MRPS9: variants seen among roughly 807,000 people sequenced by gnomAD.
The protein encoded by MRPS9 is mitochondrial ribosomal protein S9.
In MRPS9, 45 loss-of-function variants were observed where a neutral mutation model predicts 59.9. The ratio of observed to expected loss-of-function variants is 0.75; its 90% CI spans 0.59 to 0.96. The LOEUF is 0.96. MRPS9 is among the 40% of genes least tolerant of loss of function. The pLI, the probability that MRPS9 is intolerant of heterozygous loss-of-function variation, is 0.00. For missense variants in MRPS9, 473 were observed against 481.1 expected, an observed-to-expected ratio of 0.98 and a Z score of 0.16; for synonymous variants, 171 against 166.8, an observed-to-expected ratio of 1.03 and a Z score of -0.19.
At chr2:105,048,359 G>C (rs923939753) in intron 1 of MRPS9, among the ~76,000 whole-genome samples, 1 of 151,588 alleles carries the variant, frequency 6.6e-6, no homozygotes, top group Non-Finnish European at 1.5e-5. Context: ...TTGTGGGATG[G>C]GGGGAGGGGA....
intron 9 of MRPS9, among the ~76,000 whole-genome samples, chr2:105,096,127 T>G (rs1445164781): frequency 6.6e-6 from 1 of 152,164 alleles, no homozygotes; most frequent in East Asian, 1.9e-4. Flanking sequence ...CTACATCGTA[T>G]TGTTATAAAT....
chr2:105,073,461 A>G (rs924800192), intron 4 of MRPS9, among the ~76,000 whole-genome samples: 1 of 152,130 alleles, frequency 6.6e-6, no homozygotes, highest in Middle Eastern at 3.4e-3. Flanking sequence ...TTACCTACCT[A>G]CCTCCCAATT....
chr2:105,040,107 A>AC (rs1162713574), intron 1 of MRPS9, among the ~76,000 whole-genome samples: 1 of 151,826 alleles, frequency 6.6e-6, no homozygotes, highest in African/African-American at 2.4e-5. Flanking sequence ...CACTTAGCTG[A>AC]CCCCCCTTTA....
intron 1 of MRPS9, among the ~76,000 whole-genome samples, chr2:105,047,604 T>C (rs1413567975): frequency 6.6e-6 from 1 of 151,980 alleles, no homozygotes. Flanking sequence ...AATATTGCTT[T>C]AAGAGTGTTT....
At chr2:105,066,978 A>G (rs1206045553) in intron 2 of MRPS9, among the ~76,000 whole-genome samples, 1 of 152,190 alleles carries the variant, frequency 6.6e-6, no homozygotes, top group Non-Finnish European at 1.5e-5. Context: ...ATATAAACGC[A>G]TACCCCCATC....
At chr2:105,058,615 C>T (rs1020624708) in intron 2 of MRPS9, among the ~76,000 whole-genome samples, 1 of 151,596 alleles carries the variant, frequency 6.6e-6, no homozygotes, top group Non-Finnish European at 1.5e-5. Flanking sequence ...TTTCTTTTCT[C>T]TCAGCACTTT....
At chr2:105,069,959 G>A (rs564023553) in intron 2 of MRPS9, among the ~76,000 whole-genome samples, 1 of 152,106 alleles carries the variant, frequency 6.6e-6, no homozygotes, top group South Asian at 2.1e-4. Context: ...GCTGCAGTGA[G>A]CATGATTGTG....
intron 4 of MRPS9, among the ~76,000 whole-genome samples, chr2:105,072,067 T>C (rs536444760): frequency 9.0e-4 from 137 of 152,282 alleles, no homozygotes; most frequent in African/African-American, 3.0e-3. Flanking sequence ...TTGAATAATA[T>C]ATTTACTATA....
chr2:105,095,805 C>A (rs1303477319), intron 9 of MRPS9, among the ~76,000 whole-genome samples: 2 of 151,484 alleles, frequency 1.3e-5, no homozygotes, highest in Non-Finnish European at 2.9e-5. Flanking sequence ...CCTAAATTTT[C>A]TTTTATATTT....
intron 2 of MRPS9, among the ~76,000 whole-genome samples, chr2:105,069,572 C>G (rs1030032381): frequency 2.0e-5 from 3 of 152,084 alleles, no homozygotes; most frequent in Non-Finnish European, 2.9e-5. Context: ...AAAGACTTTT[C>G]CATTGCTTAG....
chr2:105,094,560 C>G (rs1426353541), intron 9 of MRPS9, among the ~76,000 whole-genome samples: 1 of 152,172 alleles, frequency 6.6e-6, no homozygotes, highest in East Asian at 1.9e-4. Flanking sequence ...CAAAAGAGGA[C>G]CCTCCTAATA....
At chr2:105,079,842 T>G (rs769253097) in intron 4 of MRPS9, 141 bp from the exon 5 acceptor site, 4 of 473,870 alleles carry the variant, frequency 8.4e-6, no homozygotes, top group Non-Finnish European at 1.5e-5. Context: ...AAACTAAATA[T>G]TAAAATTCTA....
At chr2:105,095,447 G>A (rs1680638260) in intron 9 of MRPS9, among the ~76,000 whole-genome samples, 1 of 151,460 alleles carries the variant, frequency 6.6e-6, no homozygotes, top group African/African-American at 2.4e-5. Context: ...CCAGATGGTC[G>A]AGGTAAATGC....
At position 105,090,001 on chromosome 2, in the gene MRPS9, T is replaced by A; in HGVS notation, c.651+6T>A. 1 of 1,550,456 alleles carries A rather than the reference T, an allele frequency of 6.4e-7. No individual in the cohort carries two copies. The highest frequency in any genetic ancestry group is 8.9e-7 in the Non-Finnish European group (1 of 1,129,138). On this transcript the variant is annotated splice_donor_region_variant and intron_variant, in intron 7 of 10. Transcript: ENST00000258455. ...AAAAACTGTCAGATCTAGATGTGAG[T>A]AATTAATCTTTTTAATTTAAGGGGA... is the stretch of plus-strand genomic sequence containing the variant.
rs574477216 is a variant in MRPS9, at chr2:105,067,171, C to T, written c.316-4142C>T. 9.2e-5 allele frequency among the ~76,000 whole-genome samples: 14 copies of T among 152,286 alleles called. No individual in the cohort carries two copies. The South Asian group carries it at 2.3e-3, about 25-fold the overall frequency. On this transcript the variant is annotated intron_variant, in intron 2 of 10. Transcript: ENST00000258455. ...CTGTTATCTCCCACAATATCATTATCACATCTGATACAATTATAATAATTC... is the reference window on the plus strand; with the variant it reads ...CTGTTATCTCCCACAATATCATTATTACATCTGATACAATTATAATAATTC...
chr2:105,066,338 A>G (rs970858391), intron 2 of MRPS9, among the ~76,000 whole-genome samples: 2 of 152,202 alleles, frequency 1.3e-5, no homozygotes, highest in African/African-American at 4.8e-5. Context: ...AAAAATTTTT[A>G]AAGGCAAAGA....
intron 2 of MRPS9, among the ~76,000 whole-genome samples, chr2:105,054,067 C>T (rs1679757372): frequency 6.6e-6 from 1 of 152,054 alleles, no homozygotes; most frequent in Admixed American, 6.6e-5. Flanking sequence ...TAGAAAAATA[C>T]AGGACCTGGG....
rs1680505541 is a variant in MRPS9 at position 105,089,017 on chromosome 2, C to G, written c.523C>G (p.His175Asp). Residue 175 changes from histidine to aspartate, a missense_variant, in exon 6 of 11, where the codon CAT (histidine) becomes GAT (aspartate). His to Asp is a moderately conservative substitution (Grantham distance 81). Coordinates refer to ENST00000258455, the MANE Select transcript of MRPS9 (RefSeq NM_182640.3). ...TGGAATGTTACTCAATTTAGAAAAA[C>G]ATCAAAGTCACTTGCAAGCCAAAAG... ...VYGMLLNLEK[H>D]QSHLQAKSLL... is the part of the protein sequence containing the mutation. The G allele has an allele frequency of 6.2e-7, 1 of 1,611,416 alleles. No homozygotes were observed. The highest frequency in any genetic ancestry group is 8.5e-7 in the Non-Finnish European group (1 of 1,178,416).
chr2:105,089,859 T>C, intron 6 of MRPS9, 61 bp from the exon 7 acceptor site: 1 of 1,162,150 alleles, frequency 8.6e-7, no homozygotes, highest in Non-Finnish European at 1.3e-6. Flanking sequence ...GTGGGATCTT[T>C]TGTGATATAA....
Sources: gnomAD v4.1 joint callset for allele counts (sites outside exome capture counted in the v4.1 genomes callset) on GRCh38, gnomAD v4.1.1 for gene constraint, MANE v1.5 for transcripts, NCBI Gene and HGNC (gene_info 2026-07-23, HGNC 2026-07-21) for gene names.